Variants in SLC30A5 observed in about 807,000 individuals in gnomAD.
The protein encoded by SLC30A5 is proton-coupled zinc antiporter SLC30A5.
In SLC30A5, 33 loss-of-function variants were observed where a neutral mutation model predicts 79.6. The ratio of observed to expected loss-of-function variants is 0.41; its 90% CI spans 0.31 to 0.55. The LOEUF (loss-of-function observed/expected upper bound fraction) is 0.55, where lower values mean the gene tolerates loss of function less well. SLC30A5 is among the 20% of genes least tolerant of loss of function. SLC30A5 has a pLI of 0.20. For missense variants in SLC30A5, 788 were observed against 928.1 expected (o/e 0.85, Z 1.96); for synonymous variants, 299 against 319.7 (o/e 0.94, Z 0.69).
chr5:69,097,728 G>T (rs932257689), intron 1 of SLC30A5, among the ~76,000 whole-genome samples: 6 of 152,042 alleles, frequency 3.9e-5, no homozygotes, highest in Non-Finnish European at 7.4e-5. Context: ...TAGTAGAGAT[G>T]AGGTCTTGCT....
Position 69,129,714 on chromosome 5 carries a change from T to A in SLC30A5, c.*97T>A. 8.8e-7 allele frequency: 1 copy of A among 1,131,354 alleles called. No individual in the cohort carries two copies. Among genetic ancestry groups the A allele is most frequent in the Non-Finnish European group, 1.2e-6 (1 of 817,344 alleles). The allele number at this position is 1,131,354 out of a possible 1,614,324, so 70.1% of individuals were successfully genotyped here. A position where few individuals can be genotyped will look rare whatever the true frequency, so the allele number is the denominator to read the frequency against. On this transcript the variant is annotated 3_prime_UTR_variant, in exon 16 of 16. Transcript: ENST00000396591. The stretch of plus-strand genomic sequence containing the variant: ...AAGGATAAAAATTACACATTAACTG[T>A]ACAGAAACAGAGTTCCCTACTACTG...
rs1231588478 is a variant in SLC30A5 at position 69,116,578 on chromosome 5, C to A, written c.1257C>A (p.Ile419=). 2 of 1,568,098 alleles carry A rather than the reference C, an allele frequency of 1.3e-6. No individual in the cohort carries two copies. Among genetic ancestry groups the A allele is most frequent in the Non-Finnish European group, 1.7e-6 (2 of 1,162,670 alleles). The change falls in exon 10 of 16, where the codon ATC becomes ATA. Residue 419 remains isoleucine, a synonymous_variant. Transcript: ENST00000396591. This position sits in a 1 kb window ranked among gnomAD's most constrained non-coding sequence, Gnocchi z 4.0. ...TTGAGGAGAGTGACTCTAGGCAGAT[C>A]TTTTACTTCTTGTGCTTGAATCTGG... ...QILEESDSRQ[I]FYFLCLNLLF... is the part of the protein sequence containing the mutation.
At chr5:69,113,009 T>G in intron 5 of SLC30A5, 131 bp from the exon 6 acceptor site, 1 of 666,366 alleles carries the variant, frequency 1.5e-6, no homozygotes, top group Non-Finnish European at 2.5e-6. Flanking sequence ...TGTCAGATTT[T>G]TTTCTGTTTT....
chr5:69,131,044 A>G lies in SLC30A5; in HGVS notation c.*1427A>G, dbSNP rs1746833304. The G allele has an allele frequency of 6.6e-6, 1 of 152,166 alleles. No homozygotes were observed. Among genetic ancestry groups the G allele is most frequent in the Non-Finnish European group, 1.5e-5 (1 of 68,038 alleles). 9.4% of individuals were successfully genotyped at this position (152,166 alleles called of 1,614,324 possible). ...TTTTTGGCCAAAATCTTCAATACAT[A>G]TTAAAATTTTTGAGTGGTGGGAAAA... On this transcript the variant is annotated 3_prime_UTR_variant, in exon 16 of 16. Transcript: ENST00000396591.
At chr5:69,103,958 T>C in intron 3 of SLC30A5, 1 of 1,541,874 alleles carries the variant, frequency 6.5e-7, no homozygotes, top group South Asian at 1.2e-5. Flanking sequence ...TTCTCTCCTT[T>C]CAGATAATTG....
chr5:69,094,174 C>T lies in SLC30A5; in HGVS notation c.-82C>T. ...TCTCTGCCATGGGGGAGTGACGCGC[C>T]TGCACCCGCTGTTCCGCGGCAGCGG... On this transcript the variant is annotated 5_prime_UTR_variant, in exon 1 of 16. Coordinates refer to ENST00000396591, the MANE Select transcript of SLC30A5 (RefSeq NM_022902.5). The T allele has an allele frequency of 4.1e-6, 3 of 730,996 alleles. No homozygotes were observed. The highest frequency in any genetic ancestry group is 5.8e-6 in the Non-Finnish European group (3 of 517,110). The allele number at this position is 730,996 out of a possible 1,614,324, so 45.3% of individuals were successfully genotyped here. A position where few individuals can be genotyped will look rare whatever the true frequency, so the allele number is the denominator to read the frequency against.
At chr5:69,113,016 T>C (rs1746273538) in intron 5 of SLC30A5, 124 bp from the exon 6 acceptor site, 1 of 733,412 alleles carries the variant, frequency 1.4e-6, no homozygotes, top group Admixed American at 2.9e-5. Flanking sequence ...TTTTTTTCTG[T>C]TTTTTAATGC....
intron 5 of SLC30A5, 141 bp downstream of exon 5, chr5:69,108,577 T>C: frequency 1.4e-6 from 1 of 711,142 alleles, no homozygotes; most frequent in South Asian, 1.6e-5. Context: ...ATCCCAACAC[T>C]GTGGGAGGCT....
chr5:69,112,780 G>A (rs1343029373), intron 5 of SLC30A5, among the ~76,000 whole-genome samples: 2 of 152,018 alleles, frequency 1.3e-5, no homozygotes, highest in Non-Finnish European at 2.9e-5. Flanking sequence ...GCATATTGTA[G>A]AGTAAAATAA....
Position 69,108,369 on chromosome 5 carries a change from A to AG in SLC30A5, c.380_381insG (p.His127GlnfsTer3). On this transcript the variant is annotated frameshift_variant, in exon 5 of 16. Transcript: ENST00000396591. LOFTEE classifies it high-confidence loss of function. ...TGTAGGACTTTGCTGCTATTTGAGC[A>AG]CAGTGATATTGTTGTCATTTCACTA... is the stretch of plus-strand genomic sequence containing the variant. The AG allele has an allele frequency of 6.2e-7, 1 of 1,613,260 alleles. No homozygotes were observed. The highest frequency in any genetic ancestry group is 1.3e-5 in the African/African-American group (1 of 75,040).
intron 14 of SLC30A5, among the ~76,000 whole-genome samples, chr5:69,126,129 C>T (rs1374746869): frequency 6.6e-6 from 1 of 151,944 alleles, no homozygotes; most frequent in Non-Finnish European, 1.5e-5. Context: ...AAAATAGACT[C>T]TCTTTCACCT....
At chr5:69,128,526 G>C (rs1000552094) in intron 15 of SLC30A5, among the ~76,000 whole-genome samples, 8 of 152,124 alleles carry the variant, frequency 5.3e-5, no homozygotes, top group African/African-American at 1.9e-4. Flanking sequence ...ACCTCCCAAA[G>C]TGCTGGGTTT....
chr5:69,125,260 C>G (rs1350050300), intron 14 of SLC30A5, among the ~76,000 whole-genome samples: 1 of 152,012 alleles, frequency 6.6e-6, no homozygotes, highest in Non-Finnish European at 1.5e-5. Flanking sequence ...GGCACGGTGG[C>G]TCACGCCTGT....
At chr5:69,119,877 G>A (rs866506483) in intron 12 of SLC30A5, among the ~76,000 whole-genome samples, 9 of 151,816 alleles carry the variant, frequency 5.9e-5, no homozygotes, top group Non-Finnish European at 8.8e-5. Flanking sequence ...AAAATTAGCC[G>A]GGCATGATGG....
chr5:69,099,493 A>G (rs1475621265), intron 1 of SLC30A5, among the ~76,000 whole-genome samples: 1 of 152,212 alleles, frequency 6.6e-6, no homozygotes, highest in Non-Finnish European at 1.5e-5. Context: ...CGTGACTCCT[A>G]TAGTGGTTGA....
chr5:69,113,339 C>G, intron 6 of SLC30A5, 112 bp downstream of exon 6: 2 of 695,348 alleles, frequency 2.9e-6, no homozygotes, highest in Non-Finnish European at 4.7e-6. Context: ...ATGAATGAAA[C>G]TTTCATAGAT....
At chr5:69,103,368 G>T (rs920990229) in intron 3 of SLC30A5, among the ~76,000 whole-genome samples, 2 of 152,116 alleles carry the variant, frequency 1.3e-5, no homozygotes, top group African/African-American at 4.8e-5. Flanking sequence ...TCATGTAATT[G>T]TTTTCTTCAG....
intron 3 of SLC30A5, chr5:69,104,103 A>G: frequency 6.8e-7 from 1 of 1,475,998 alleles, no homozygotes; most frequent in African/African-American, 1.4e-5. Flanking sequence ...GCAGACAAGA[A>G]TATAGATAAT....
Position 69,116,381 on chromosome 5 carries a change from T to C in SLC30A5, c.1073-13T>C, listed in dbSNP as rs371290008. On this transcript the variant is annotated splice_polypyrimidine_tract_variant and intron_variant, in intron 9 of 15. Coordinates refer to ENST00000396591, the MANE Select transcript of SLC30A5 (RefSeq NM_022902.5). This position sits in a 1 kb window ranked among gnomAD's most constrained non-coding sequence, Gnocchi z 4.0. ...TTCGAAAATTTAAACAATATTGTTT[T>C]TTCTCTTTGTAGCTGCCAATATCTT... is the stretch of plus-strand genomic sequence containing the variant. 12 of 1,558,110 alleles carry C rather than the reference T, an allele frequency of 7.7e-6. No homozygotes were observed. The African/African-American group carries it at 1.7e-4, about 22-fold the overall frequency.
Sources: allele counts gnomAD v4.1 joint callset (sites outside exome capture counted in the v4.1 genomes callset), GRCh38; gene constraint gnomAD v4.1.1; non-coding constraint Gnocchi (gnomAD v3.1); transcripts MANE v1.5; gene names NCBI Gene and HGNC (gene_info 2026-07-23, HGNC 2026-07-21).